Variants in CNTN4 observed in about 807,000 individuals in gnomAD.
CNTN4 encodes the protein contactin 4.
In CNTN4, 77 loss-of-function variants were observed where a neutral mutation model predicts 122.5. The ratio of observed to expected loss-of-function variants is 0.63; its 90% CI spans 0.52 to 0.76. The LOEUF (loss-of-function observed/expected upper bound fraction) is 0.76. Among genes scored for constraint, CNTN4 ranks in the 30% least tolerant of loss-of-function variants. The pLI, the probability that CNTN4 is intolerant of heterozygous loss-of-function variation, is 0.00. For missense variants in CNTN4, 1,256 were observed against 1,259.1 expected (o/e 1.00, Z 0.04); for synonymous variants, 512 against 447.0 (o/e 1.15, Z -1.83).
At chr3:2,633,381 C>CT (rs1380664262) in intron 4 of CNTN4, among the ~76,000 whole-genome samples, 1 of 152,162 alleles carries the variant, frequency 6.6e-6, no homozygotes, top group Non-Finnish European at 1.5e-5. Flanking sequence ...ACATTCAGTG[C>CT]TATGCGTCCA....
chr3:2,808,638 ATC>A (rs1214867697), intron 6 of CNTN4, among the ~76,000 whole-genome samples: 3 of 152,170 alleles, frequency 2.0e-5, no homozygotes, highest in African/African-American at 7.2e-5. Flanking sequence ...TGTTTTCATC[ATC>A]TCTGGCATTC....
chr3:2,474,162 A>G (rs1288026241), intron 3 of CNTN4, among the ~76,000 whole-genome samples: 3 of 151,898 alleles, frequency 2.0e-5, no homozygotes, highest in Non-Finnish European at 4.4e-5. Flanking sequence ...TACCCTTTCT[A>G]TGCTGTTCTT....
At chr3:2,744,320 C>A (rs2089638228) in intron 5 of CNTN4, among the ~76,000 whole-genome samples, 1 of 151,528 alleles carries the variant, frequency 6.6e-6, no homozygotes, top group South Asian at 2.1e-4. Flanking sequence ...ACATTATGTA[C>A]AGACAACCAC....
chr3:2,927,828 TTCCTGCTATTTA>T (rs1250950183), intron 13 of CNTN4, among the ~76,000 whole-genome samples: 2 of 152,216 alleles, frequency 1.3e-5, no homozygotes, highest in African/African-American at 4.8e-5. Context: ...CATTACCTAA[TTCCTGCTATTTA>T]TCGCCTCCAC....
At chr3:2,785,271 C>G (rs114795575) in intron 6 of CNTN4, among the ~76,000 whole-genome samples, 347 of 152,188 alleles carry the variant, frequency 2.3e-3, no homozygotes, top group Non-Finnish European at 4.0e-3. Context: ...TAATTCCAGT[C>G]CAAGTCTGAA....
intron 4 of CNTN4, among the ~76,000 whole-genome samples, chr3:2,727,013 T>TG (rs1361001676): frequency 1.3e-5 from 2 of 152,164 alleles, no homozygotes; most frequent in African/African-American, 4.8e-5. Flanking sequence ...ATTAAAAAGA[T>TG]GAAGTTAGCT....
At chr3:2,803,981 T>C (rs2150080388) in intron 6 of CNTN4, among the ~76,000 whole-genome samples, 1 of 151,870 alleles carries the variant, frequency 6.6e-6, no homozygotes, top group South Asian at 2.1e-4. Flanking sequence ...GAGGAATGCA[T>C]AGTACAATTC....
At chr3:2,164,267 G>T (rs1469147800) in intron 2 of CNTN4, among the ~76,000 whole-genome samples, 1 of 152,050 alleles carries the variant, frequency 6.6e-6, no homozygotes. Flanking sequence ...CCCTTTAGTA[G>T]AGATAGTAAA....
chr3:2,874,004 G>A (rs189519485), intron 8 of CNTN4, among the ~76,000 whole-genome samples: 221 of 152,260 alleles, frequency 1.5e-3, no homozygotes, highest in African/African-American at 5.0e-3. Flanking sequence ...ATCTGTGGGC[G>A]TAAAACATGT....
At chr3:2,287,711 G>GAAGAAGAA (rs2041979201) in intron 2 of CNTN4, among the ~76,000 whole-genome samples, 18 of 65,462 alleles carry the variant, frequency 2.7e-4, no homozygotes, top group South Asian at 7.1e-4. Flanking sequence ...AAGAAGAAGA[G>GAAGAAGAA]GAAGAAGAAG....
intron 3 of CNTN4, among the ~76,000 whole-genome samples, chr3:2,412,851 T>A (rs1227806500): frequency 5.9e-5 from 9 of 152,290 alleles, no homozygotes; most frequent in African/African-American, 2.2e-4. Flanking sequence ...ATTGTGTGAG[T>A]TGAGGCAATT....
At chr3:2,757,472 C>T (rs1253525684) in intron 6 of CNTN4, among the ~76,000 whole-genome samples, 1 of 152,158 alleles carries the variant, frequency 6.6e-6, no homozygotes, top group African/African-American at 2.4e-5. Flanking sequence ...GCTATTATCA[C>T]GTTTAGAGTG....
intron 3 of CNTN4, among the ~76,000 whole-genome samples, chr3:2,347,079 T>C (rs2044423455): frequency 6.6e-6 from 1 of 152,232 alleles, no homozygotes; most frequent in Admixed American, 6.5e-5. Flanking sequence ...TTTAAATTTG[T>C]TGTTCATCAG....
intron 3 of CNTN4, among the ~76,000 whole-genome samples, chr3:2,412,331 A>G (rs941419839): frequency 6.6e-6 from 1 of 151,440 alleles, no homozygotes; most frequent in Non-Finnish European, 1.5e-5. Context: ...GGCTCACTGC[A>G]GCCTCCTCCT....
At chr3:2,254,356 C>A (rs757452946) in intron 2 of CNTN4, among the ~76,000 whole-genome samples, 1 of 152,120 alleles carries the variant, frequency 6.6e-6, no homozygotes, top group South Asian at 2.1e-4. Context: ...AACATACATG[C>A]GCATGTGTCA....
chr3:2,128,053 C>T (rs1468632392), intron 2 of CNTN4, among the ~76,000 whole-genome samples: 1 of 152,156 alleles, frequency 6.6e-6, no homozygotes, highest in Non-Finnish European at 1.5e-5. Flanking sequence ...GAGAGTGTTT[C>T]TCTGAAACTT....
intron 3 of CNTN4, among the ~76,000 whole-genome samples, chr3:2,340,310 T>C (rs1005743363): frequency 6.6e-6 from 1 of 152,074 alleles, no homozygotes; most frequent in African/African-American, 2.4e-5. Flanking sequence ...TCTCATTCCA[T>C]TGGTATACAT....
At chr3:2,580,490 A>T in intron 4 of CNTN4, among the ~76,000 whole-genome samples, 1 of 152,144 alleles carries the variant, frequency 6.6e-6, no homozygotes, top group Non-Finnish European at 1.5e-5. Context: ...AAAGCCCTTA[A>T]TGTTACTGTA....
intron 9 of CNTN4, among the ~76,000 whole-genome samples, chr3:2,885,848 T>G (rs1469493506): frequency 6.6e-6 from 1 of 152,178 alleles, no homozygotes; most frequent in Non-Finnish European, 1.5e-5. Context: ...CACACATTTC[T>G]GGTATTTTGT....
Sources: allele counts gnomAD v4.1 joint callset (sites outside exome capture counted in the v4.1 genomes callset), GRCh38; gene constraint gnomAD v4.1.1; transcripts MANE v1.5; gene names NCBI Gene and HGNC (gene_info 2026-07-23, HGNC 2026-07-21).